STAG1: variants seen among roughly 807,000 people sequenced by gnomAD.
STAG1 encodes cohesin subunit SA-1.
In STAG1, 26 loss-of-function variants were observed where a neutral mutation model predicts 170.9. That is an observed-to-expected ratio of 0.15 (90% CI 0.11 to 0.21). The LOEUF (loss-of-function observed/expected upper bound fraction) is 0.21, where lower values mean the gene tolerates loss of function less well. STAG1 is among the 10% of genes least tolerant of loss of function. The probability of loss-of-function intolerance (pLI) is 1.00; values close to 1 mark genes in which losing one functional copy is unlikely to be tolerated. For missense variants in STAG1, 964 were observed against 1,509.5 expected (o/e 0.64, Z 5.99); for synonymous variants, 514 against 497.7 (o/e 1.03, Z -0.44).
intron 1 of STAG1, among the ~76,000 whole-genome samples, chr3:136,631,927 G>A (rs1376698721): frequency 1.3e-5 from 2 of 152,196 alleles, no homozygotes; most frequent in East Asian, 1.9e-4. Context: ...ACAGATGTAA[G>A]ATCAGAGAAT....
At chr3:136,740,831 G>A (rs999446227) in intron 1 of STAG1, among the ~76,000 whole-genome samples, 1 of 152,164 alleles carries the variant, frequency 6.6e-6, no homozygotes, top group Non-Finnish European at 1.5e-5. Context: ...CGTGGGGAAA[G>A]ACAGGATACG....
intron 1 of STAG1, among the ~76,000 whole-genome samples, chr3:136,680,719 TAAAG>T (rs1559947363): frequency 6.6e-6 from 1 of 151,476 alleles, no homozygotes; most frequent in Non-Finnish European, 1.5e-5. Flanking sequence ...CATAACAAGA[TAAAG>T]AAACCTAAAG....
chr3:136,595,561 C>G (rs1454825616), intron 4 of STAG1, among the ~76,000 whole-genome samples: 2 of 151,818 alleles, frequency 1.3e-5, no homozygotes, highest in Admixed American at 6.6e-5. Context: ...CCTGCAGTCC[C>G]AGCTGCTCAG....
At chr3:136,491,008 T>C (rs977242084) in intron 9 of STAG1, among the ~76,000 whole-genome samples, 9 of 152,246 alleles carry the variant, frequency 5.9e-5, no homozygotes, top group African/African-American at 2.2e-4. Flanking sequence ...GTAGAATATA[T>C]TCCCTAACCT....
chr3:136,713,882 G>A lies in STAG1; in HGVS notation c.-84+38313C>T, dbSNP rs144152170. Among the ~76,000 whole-genome samples the A allele has an allele frequency of 2.2e-3, 329 of 152,108 alleles. 8 individuals are homozygous for A. The East Asian group carries it at 0.048, about 22-fold the overall frequency. On this transcript the variant is annotated intron_variant, in intron 1 of 33. Coordinates refer to ENST00000383202, the MANE Select transcript of STAG1 (RefSeq NM_005862.3). ...TATTAAAAATACAAAAATTAGCTGG[G>A]CATGGTGGCAGGCACCTGTAATCCC...
rs1247225663 is a variant in STAG1, at chr3:136,490,311, A to G, written c.902+9912T>C. Among the ~76,000 whole-genome samples the G allele has an allele frequency of 3.9e-5, 6 of 152,150 alleles. No homozygotes were observed. In the East Asian group the frequency reaches 5.8e-4, roughly 15 times the overall value. ...CCAAAGTGCTGGGATTACAGGTGTG[A>G]GCTACCGCACCCGACTGCTAAGAGT... On this transcript the variant is annotated intron_variant, in intron 9 of 33. Transcript: ENST00000383202.
At chr3:136,636,681 A>G (rs545573336) in intron 1 of STAG1, among the ~76,000 whole-genome samples, 1 of 152,374 alleles carries the variant, frequency 6.6e-6, no homozygotes, top group East Asian at 1.9e-4. Flanking sequence ...TCTGGTCACA[A>G]AAAAATCAGC....
At chr3:136,574,275 A>G (rs1281379745) in intron 4 of STAG1, among the ~76,000 whole-genome samples, 5 of 151,872 alleles carry the variant, frequency 3.3e-5, no homozygotes, top group Admixed American at 1.3e-4. Flanking sequence ...TAATATTTAC[A>G]AGAGACACAC....
chr3:136,386,228 A>G (rs2086870337), intron 22 of STAG1, among the ~76,000 whole-genome samples: 1 of 152,072 alleles, frequency 6.6e-6, no homozygotes, highest in Non-Finnish European at 1.5e-5. Context: ...AATCCCAGCT[A>G]CTCAGGAGGC....
At chr3:136,708,805 T>A (rs1943299490) in intron 1 of STAG1, among the ~76,000 whole-genome samples, 3 of 151,996 alleles carry the variant, frequency 2.0e-5, no homozygotes, top group Admixed American at 6.6e-5. Context: ...TAGTTAAAAG[T>A]CATGGAAGTT....
At chr3:136,551,245 G>GAC (rs1936380800) in intron 5 of STAG1, among the ~76,000 whole-genome samples, 2 of 146,978 alleles carry the variant, frequency 1.4e-5, no homozygotes, top group Admixed American at 6.8e-5. Context: ...GAGAGAGAGA[G>GAC]AGAGAGAGAG....
chr3:136,514,281 CATTT>C (rs1214455458), intron 7 of STAG1, among the ~76,000 whole-genome samples: 2 of 152,164 alleles, frequency 1.3e-5, no homozygotes, highest in African/African-American at 4.8e-5. Context: ...CAAAAGAAGA[CATTT>C]ATGCAGCCAA....
At chr3:136,490,537 C>A (rs936677072) in intron 9 of STAG1, among the ~76,000 whole-genome samples, 4 of 152,030 alleles carry the variant, frequency 2.6e-5, no homozygotes, top group African/African-American at 9.7e-5. Context: ...GAATTTTAGG[C>A]TTTAATAAGA....
At chr3:136,546,849 C>T (rs570884196) in intron 5 of STAG1, among the ~76,000 whole-genome samples, 2 of 152,300 alleles carry the variant, frequency 1.3e-5, no homozygotes, top group African/African-American at 4.8e-5. Flanking sequence ...ACTTAAGATT[C>T]TTTAGCAGTT....
chr3:136,696,038 G>A (rs924763970), intron 1 of STAG1, among the ~76,000 whole-genome samples: 4 of 152,144 alleles, frequency 2.6e-5, no homozygotes, highest in African/African-American at 9.7e-5. Context: ...ACACAGAGCA[G>A]GATAATCTTT....
chr3:136,690,669 AAG>A (rs1259025277), intron 1 of STAG1, among the ~76,000 whole-genome samples: 4 of 152,172 alleles, frequency 2.6e-5, no homozygotes, highest in African/African-American at 9.7e-5. Flanking sequence ...GAAGGGGTAA[AAG>A]AGTCACAGGA....
intron 6 of STAG1, among the ~76,000 whole-genome samples, chr3:136,541,538 T>TCACACACACACACACACACTCTCACA (rs1473951429): frequency 1.6e-5 from 2 of 123,122 alleles, no homozygotes. Flanking sequence ...AGCTTAACAT[T>TCACACACACACACACACACTCTCACA]CACACACACA....
At chr3:136,487,037 A>G (rs1207529414) in intron 9 of STAG1, among the ~76,000 whole-genome samples, 2 of 145,576 alleles carry the variant, frequency 1.4e-5, no homozygotes, top group East Asian at 4.0e-4. Context: ...AAAAGCAGAT[A>G]CAAGCACAGA....
chr3:136,432,028 G>A (rs2088317926), intron 16 of STAG1, among the ~76,000 whole-genome samples: 2 of 152,042 alleles, frequency 1.3e-5, no homozygotes, highest in South Asian at 2.1e-4. Context: ...TTCCTTCTGG[G>A]ATTCCCATTA....
Sources: allele counts gnomAD v4.1 joint callset (sites outside exome capture counted in the v4.1 genomes callset), GRCh38; gene constraint gnomAD v4.1.1; transcripts MANE v1.5; gene names NCBI Gene and HGNC (gene_info 2026-07-23, HGNC 2026-07-21).